The following KCNK5 variants were observed in gnomAD, a reference collection of about 807,000 sequenced individuals.
KCNK5 encodes potassium channel subfamily K member 5.
In KCNK5, 18 loss-of-function variants were observed where a neutral mutation model predicts 32.9. The observed-to-expected ratio is 0.55, with a 90% CI of 0.38 to 0.81. The LOEUF is 0.81. Ranked by LOEUF, KCNK5 falls within the 30% of genes least tolerant of loss-of-function variation. KCNK5 has a pLI of 0.00. For missense variants in KCNK5, 507 were observed against 651.0 expected (o/e 0.78, Z 2.41); for synonymous variants, 276 against 275.3 (o/e 1.00, Z -0.03).
intron 1 of KCNK5, among the ~76,000 whole-genome samples, chr6:39,221,744 G>A (rs1461761207): frequency 6.6e-6 from 1 of 152,140 alleles, no homozygotes; most frequent in Non-Finnish European, 1.5e-5. Context: ...TGTTTTGTTT[G>A]GAGCCAGGTC....
intron 1 of KCNK5, among the ~76,000 whole-genome samples, chr6:39,226,982 T>C (rs1212334742): frequency 6.6e-6 from 1 of 151,886 alleles, no homozygotes; most frequent in Non-Finnish European, 1.5e-5. Flanking sequence ...GGTAGGGGGG[T>C]AAATGTTGAC....
chr6:39,193,294 G>T (rs1405351679), intron 4 of KCNK5, among the ~76,000 whole-genome samples: 3 of 152,210 alleles, frequency 2.0e-5, no homozygotes, highest in Non-Finnish European at 4.4e-5. Flanking sequence ...CCCGGACTTG[G>T]CAGGGTCAGG....
chr6:39,222,016 G>A (rs1583722038), intron 1 of KCNK5, among the ~76,000 whole-genome samples: 4 of 152,216 alleles, frequency 2.6e-5, no homozygotes, highest in Non-Finnish European at 5.9e-5. Context: ...GGCCCGTTCT[G>A]TGTTTCCAAC....
At chr6:39,223,081 G>A (rs1369009216) in intron 1 of KCNK5, among the ~76,000 whole-genome samples, 1 of 152,196 alleles carries the variant, frequency 6.6e-6, no homozygotes, top group Non-Finnish European at 1.5e-5. Flanking sequence ...GTTCTAGGAA[G>A]ACCTTCCTGA....
intron 1 of KCNK5, among the ~76,000 whole-genome samples, chr6:39,213,227 T>C (rs994705460): frequency 6.6e-6 from 1 of 152,246 alleles, no homozygotes; most frequent in African/African-American, 2.4e-5. Flanking sequence ...TAATGGTACA[T>C]GCATGTATTT....
Position 39,229,208 on chromosome 6 carries a change from T to A in KCNK5, c.-97A>T, listed in dbSNP as rs779597580. On this transcript the variant is annotated 5_prime_UTR_variant, in exon 1 of 5. The change creates a premature stop within an existing upstream ORF in the 5' untranslated region. Transcript: ENST00000359534. The stretch of plus-strand genomic sequence containing the variant: ...GCCTCTGAAAACAGCTGTTTGAATT[T>A]GGAGCTCCGCATGCGCAGTGCCCGG... The A allele has an allele frequency of 7.4e-4, 954 of 1,280,862 alleles. No individual in the cohort carries two copies. Among genetic ancestry groups the A allele is most frequent in the Non-Finnish European group, 9.8e-4 (903 of 922,720 alleles). 79.3% of individuals were successfully genotyped at this position (1,280,862 alleles called of 1,614,324 possible).
At position 39,201,455 on chromosome 6, in the gene KCNK5, C is replaced by T. The variant is rs746356398; in HGVS notation, c.187-5468G>A. On this transcript the variant is annotated intron_variant, in intron 1 of 4. Transcript: ENST00000359534. Reference sequence around the variant, plus strand: ...TAGTAGAGACGGGGTTTCTCCATGTCGGTCAGGCTGGTCTCAAACTCCTGA... The same window carrying T: ...TAGTAGAGACGGGGTTTCTCCATGTTGGTCAGGCTGGTCTCAAACTCCTGA... 3.9e-5 allele frequency among the ~76,000 whole-genome samples: 6 copies of T among 151,942 alleles called. No homozygotes were observed. The East Asian group carries it at 5.8e-4, about 15-fold the overall frequency.
chr6:39,192,610 T>C (rs1296693519), intron 4 of KCNK5, among the ~76,000 whole-genome samples: 2 of 152,108 alleles, frequency 1.3e-5, no homozygotes, highest in Non-Finnish European at 2.9e-5. Flanking sequence ...CGCTGAACCA[T>C]TTTTATTTTC....
intron 1 of KCNK5, among the ~76,000 whole-genome samples, chr6:39,200,339 A>G (rs1046561647): frequency 6.6e-6 from 1 of 152,142 alleles, no homozygotes; most frequent in East Asian, 1.9e-4. Context: ...TGTCTCCATC[A>G]CCGTCACCAT....
chr6:39,212,993 T>A (rs1182194567), intron 1 of KCNK5, among the ~76,000 whole-genome samples: 1 of 152,084 alleles, frequency 6.6e-6, no homozygotes, highest in African/African-American at 2.4e-5. Context: ...CGGGAACCAA[T>A]CCAGGTTGGT....
At chr6:39,211,964 CAAAAAGAA>C (rs1312738220) in intron 1 of KCNK5, among the ~76,000 whole-genome samples, 1 of 147,126 alleles carries the variant, frequency 6.8e-6, no homozygotes, top group Non-Finnish European at 1.5e-5. Flanking sequence ...AACTCTGTCT[CAAAAAGAA>C]AAAAAGAAAA....
intron 4 of KCNK5, among the ~76,000 whole-genome samples, chr6:39,193,828 G>A (rs1479655259): frequency 6.6e-6 from 1 of 152,152 alleles, no homozygotes; most frequent in African/African-American, 2.4e-5. Context: ...CTGGGTAGCA[G>A]GTACCAACCG....
chr6:39,227,405 C>T (rs1237832173), intron 1 of KCNK5, among the ~76,000 whole-genome samples: 1 of 152,006 alleles, frequency 6.6e-6, no homozygotes, highest in Non-Finnish European at 1.5e-5. Flanking sequence ...GGTAGACGCC[C>T]ATCAGAAGGA....
At chr6:39,204,755 A>C (rs1164818252) in intron 1 of KCNK5, among the ~76,000 whole-genome samples, 2 of 152,124 alleles carry the variant, frequency 1.3e-5, no homozygotes. Context: ...TGACATTAGC[A>C]CGGGGCAGGC....
Position 39,224,506 on chromosome 6 carries a change from C to T in KCNK5, c.186+4420G>A, listed in dbSNP as rs547116222. 1.2e-4 allele frequency among the ~76,000 whole-genome samples: 18 copies of T among 152,250 alleles called. No homozygotes were observed. In the East Asian group the frequency reaches 2.1e-3, roughly 18 times the overall value. ...ATTGGTGTTAAAAGAGTGCCAGAAC[C>T]TCAAAATTGGAACTAGCCTTACTAC... On this transcript the variant is annotated intron_variant, in intron 1 of 4. Transcript: ENST00000359534.
At chr6:39,218,295 T>A (rs906536386) in intron 1 of KCNK5, among the ~76,000 whole-genome samples, 1 of 152,112 alleles carries the variant, frequency 6.6e-6, no homozygotes, top group East Asian at 1.9e-4. Context: ...GGTCTTGAAC[T>A]CCTGACCTTG....
rs1262118472 is a variant in KCNK5 at position 39,203,600 on chromosome 6, T to C, written c.187-7613A>G. On this transcript the variant is annotated intron_variant, in intron 1 of 4. Coordinates refer to ENST00000359534, the MANE Select transcript of KCNK5 (RefSeq NM_003740.4). Reference sequence around the variant, plus strand: ...GAGGCTGAGGCCAGGAGGTGTTAGATGGCAGCTTCTCTGAACTCTAGTCCA... The same window carrying C: ...GAGGCTGAGGCCAGGAGGTGTTAGACGGCAGCTTCTCTGAACTCTAGTCCA... 2.6e-5 allele frequency among the ~76,000 whole-genome samples: 4 copies of C among 152,168 alleles called. No individual in the cohort carries two copies. The East Asian group carries it at 7.7e-4, about 29-fold the overall frequency.
chr6:39,197,077 C>T (rs1771044237), intron 1 of KCNK5, among the ~76,000 whole-genome samples: 1 of 152,164 alleles, frequency 6.6e-6, no homozygotes, highest in South Asian at 2.1e-4. Flanking sequence ...GTCCTGTCCC[C>T]AAGGAGCGCC....
At chr6:39,209,216 C>T (rs1270091333) in intron 1 of KCNK5, among the ~76,000 whole-genome samples, 4 of 152,172 alleles carry the variant, frequency 2.6e-5, no homozygotes, top group Non-Finnish European at 5.9e-5. Context: ...TTGGAAACCA[C>T]AGGGTTGCAA....
Sources: gnomAD v4.1 joint callset for allele counts (sites outside exome capture counted in the v4.1 genomes callset) on GRCh38, gnomAD v4.1.1 for gene constraint, MANE v1.5 for transcripts, NCBI Gene and HGNC (gene_info 2026-07-23, HGNC 2026-07-21) for gene names.